The following GLOD5 variants were observed in gnomAD, a reference collection of about 807,000 sequenced individuals.
GLOD5 encodes the protein glyoxalase domain-containing protein 5.
A neutral mutation model predicts 9.9 loss-of-function variants in GLOD5; 7 were observed. The ratio of observed to expected loss-of-function variants is 0.71; its 90% CI spans 0.40 to 1.33. The LOEUF is 1.33. GLOD5 is among the 40% of genes most tolerant of loss of function. The pLI is 0.01. For synonymous variants in GLOD5, 49 were observed against 47.3 expected (o/e 1.04, Z -0.14); for missense variants, 146 against 128.4 (o/e 1.14, Z -0.66).
chrX:48,762,819 C>G (rs1208356465), intron 1 of GLOD5, among the ~76,000 whole-genome samples: 1 of 111,163 alleles, frequency 9.0e-6, no homozygotes, highest in Admixed American at 9.7e-5. Flanking sequence ...AGGATCCAGA[C>G]CCTGCCTTGC....
chrX:48,763,688 G>T (rs1057045364), intron 1 of GLOD5, among the ~76,000 whole-genome samples: 1 of 111,729 alleles, frequency 9.0e-6, no homozygotes, highest in Non-Finnish European at 1.9e-5. Flanking sequence ...GCAAGACCCT[G>T]TCTCAAAAAG....
intron 2 of GLOD5, among the ~76,000 whole-genome samples, chrX:48,766,985 C>CAAAAATAAAAAAAAAAAAAAAAA (rs2062611015): frequency 6.6e-4 from 2 of 3,020 alleles, no homozygotes; most frequent in African/African-American, 2.4e-3. Flanking sequence ...GATTCCATCT[C>CAAAAATAAAAAAAAAAAAAAAAA]AAAAAAAAAA....
In GLOD5 at chrX:48,773,191, C is replaced by G. The variant is rs782368150; in HGVS notation, c.358-119C>G. 2.1e-5 allele frequency: 17 copies of G among 820,627 alleles called. No individual in the cohort carries two copies. In the East Asian group the frequency reaches 5.0e-4, roughly 24 times the overall value. 67.6% of individuals were successfully genotyped at this position (820,627 alleles called of 1,213,427 possible). A position where few individuals can be genotyped will look rare whatever the true frequency, so the allele number is the denominator to read the frequency against. ...GTTGCAGTGAGCTGAGATCTCACCACTGCACTCCAGCCTGGGTGACGGAGC... is the reference window on the plus strand; with the variant it reads ...GTTGCAGTGAGCTGAGATCTCACCAGTGCACTCCAGCCTGGGTGACGGAGC... On this transcript the variant is annotated intron_variant, in intron 3 of 3. Transcript: ENST00000303227.
At chrX:48,765,182 C>T (rs2062605692) in intron 1 of GLOD5, among the ~76,000 whole-genome samples, 1 of 110,675 alleles carries the variant, frequency 9.0e-6, no homozygotes, top group Admixed American at 9.7e-5. Flanking sequence ...TGTCTTGTCA[C>T]TTCTTGGAAA....
intron 1 of GLOD5, among the ~76,000 whole-genome samples, chrX:48,763,384 A>C (rs1256164509): frequency 1.8e-5 from 2 of 112,069 alleles, no homozygotes; most frequent in African/African-American, 6.5e-5. Flanking sequence ...TACAGATGTT[A>C]GAAGGTTAAT....
intron 1 of GLOD5, 64 bp from the exon 2 acceptor site, chrX:48,765,771 G>A: frequency 4.1e-5 from 47 of 1,154,626 alleles, no homozygotes; most frequent in Non-Finnish European, 5.5e-5. Flanking sequence ...GAGGTGAGGA[G>A]AAGAAAACAC....
chrX:48,769,841 G>A (rs1022631589), intron 2 of GLOD5, among the ~76,000 whole-genome samples: 1 of 108,198 alleles, frequency 9.2e-6, no homozygotes, highest in Non-Finnish European at 1.9e-5. Flanking sequence ...TTAGCCAGGC[G>A]TGGTGGGGTG....
chrX:48,771,549 CA>C (rs782062845), intron 3 of GLOD5, among the ~76,000 whole-genome samples: 1 of 111,343 alleles, frequency 9.0e-6, no homozygotes, highest in Non-Finnish European at 1.9e-5. Context: ...CTCCTGACCT[CA>C]AGTGCTCCGC....
At chrX:48,765,690 G>T in intron 1 of GLOD5, 145 bp from the exon 2 acceptor site, 1 of 637,241 alleles carries the variant, frequency 1.6e-6, no homozygotes, top group Non-Finnish European at 2.6e-6. Context: ...GACTCTACCA[G>T]TAAGTATTCT....
At chrX:48,765,737 G>T in intron 1 of GLOD5, 98 bp from the exon 2 acceptor site, 1 of 934,721 alleles carries the variant, frequency 1.1e-6, no homozygotes, top group Non-Finnish European at 1.5e-6. Context: ...TGAGGAGGAA[G>T]TAGTGTAATT....
In GLOD5 at chrX:48,770,971, C is replaced by T; in HGVS notation, c.246C>T (p.Leu82=). 8.3e-7 allele frequency: 1 copy of T among 1,201,360 alleles called. No homozygotes were observed. Among genetic ancestry groups the T allele is most frequent in the Non-Finnish European group, 1.1e-6 (1 of 889,506 alleles). ...ALCFGDQKFN[L]HEVGKEFEPK... is the part of the protein sequence containing the mutation. ...GTTTTGGAGACCAGAAATTTAACCT[C>T]CACGAGGTGGGAAAGGAATTTGAAC... Residue 82 remains leucine (L), a synonymous_variant, in exon 3 of 4, where the codon CTC becomes CTT. Coordinates refer to ENST00000303227, the MANE Select transcript of GLOD5 (RefSeq NM_001080489.3).
At chrX:48,762,243 G>T (rs1490352082) in intron 1 of GLOD5, 1 of 134,688 alleles carries the variant, frequency 7.4e-6, no homozygotes, top group Non-Finnish European at 1.5e-5. Context: ...ACCTGAAGGG[G>T]ACCTTGAAGA....
At chrX:48,766,584 C>T (rs1045314360) in intron 2 of GLOD5, among the ~76,000 whole-genome samples, 2 of 109,611 alleles carry the variant, frequency 1.8e-5, no homozygotes, top group Non-Finnish European at 3.8e-5. Flanking sequence ...AACCCCATCT[C>T]TACTAAAAGT....
intron 2 of GLOD5, among the ~76,000 whole-genome samples, chrX:48,768,572 G>A (rs2062614591): frequency 8.9e-6 from 1 of 111,942 alleles, no homozygotes; most frequent in African/African-American, 3.2e-5. Context: ...AGTGGAAGAT[G>A]GATGTATCAC....
intron 2 of GLOD5, among the ~76,000 whole-genome samples, chrX:48,769,321 T>C (rs2062616460): frequency 1.0e-5 from 1 of 99,233 alleles, no homozygotes; most frequent in Non-Finnish European, 2.0e-5. Flanking sequence ...CTGGGCAACA[T>C]ACTGAGACTA....
chrX:48,770,856 A>C, intron 2 of GLOD5, 71 bp from the exon 3 acceptor site: 2 of 836,083 alleles, frequency 2.4e-6, no homozygotes, highest in Non-Finnish European at 3.2e-6. Flanking sequence ...GATAGGTGGA[A>C]AGGCTTCATC....
At chrX:48,772,870 G>A (rs2062626030) in intron 3 of GLOD5, among the ~76,000 whole-genome samples, 1 of 110,937 alleles carries the variant, frequency 9.0e-6, no homozygotes, top group Non-Finnish European at 1.9e-5. Context: ...GAGTGATGGA[G>A]GGGAGGATGG....
chrX:48,769,456 G>C (rs1557017079), intron 2 of GLOD5, among the ~76,000 whole-genome samples: 1 of 110,876 alleles, frequency 9.0e-6, no homozygotes, highest in African/African-American at 3.3e-5. Context: ...AGGAGGTCAA[G>C]GCTGCAGTGA....
Position 48,773,448 on chromosome X carries a change from C to G in GLOD5, c.*13C>G, listed in dbSNP as rs868909742. 5.8e-6 allele frequency: 7 copies of G among 1,204,893 alleles called. No homozygotes were observed. The highest frequency in any genetic ancestry group is 3.5e-5 in the South Asian group (2 of 56,549). On this transcript the variant is annotated 3_prime_UTR_variant, in exon 4 of 4. Transcript: ENST00000303227. ...CATCTCCTCGTGATGGAGGCTGGACCTCCTCCATTCTGTCCCCCTTGATGT... is the reference window on the plus strand; with the variant it reads ...CATCTCCTCGTGATGGAGGCTGGACGTCCTCCATTCTGTCCCCCTTGATGT...
Sources: gnomAD v4.1 joint callset for allele counts (sites outside exome capture counted in the v4.1 genomes callset) on GRCh38, gnomAD v4.1.1 for gene constraint, MANE v1.5 for transcripts, NCBI Gene and HGNC (gene_info 2026-07-23, HGNC 2026-07-21) for gene names.